Variants in RBFOX1 observed in about 807,000 individuals in gnomAD.
RBFOX1 encodes RNA binding protein fox-1 homolog 1.
A neutral mutation model predicts 57.7 loss-of-function variants in RBFOX1; 8 were observed. The observed-to-expected ratio is 0.14, with a 90% confidence interval of 0.08 to 0.25. The LOEUF (loss-of-function observed/expected upper bound fraction) is 0.25, where lower values mean the gene tolerates loss of function less well. Ranked by LOEUF, RBFOX1 falls within the 10% of genes least tolerant of loss-of-function variation. The pLI, the probability that RBFOX1 is intolerant of heterozygous loss-of-function variation, is 1.00. For synonymous variants in RBFOX1, 326 were observed against 222.4 expected, an observed-to-expected ratio of 1.47 and a Z score of -4.15; for missense variants, 611 against 548.5, an observed-to-expected ratio of 1.11 and a Z score of -1.14.
intron 2 of RBFOX1, among the ~76,000 whole-genome samples, chr16:6,384,355 G>A (rs113281773): frequency 4.5e-4 from 68 of 152,210 alleles, no homozygotes; most frequent in African/African-American, 1.5e-3. Context: ...CAGTAAAATT[G>A]CATTTTTCCC....
chr16:5,777,682 T>A (rs2054191214), intron 3 of RBFOX1, among the ~76,000 whole-genome samples: 1 of 152,166 alleles, frequency 6.6e-6, no homozygotes, highest in African/African-American at 2.4e-5. Flanking sequence ...TGAGACTTAA[T>A]TAAGGTAGTG....
chr16:7,096,759 C>A (rs147782378), intron 4 of RBFOX1, among the ~76,000 whole-genome samples: 3 of 151,862 alleles, frequency 2.0e-5, no homozygotes, highest in African/African-American at 7.3e-5. Flanking sequence ...TGGTGAAAAT[C>A]TATCTCTAGT....
rs527438241 is a variant in RBFOX1, at chr16:6,974,727, T to G, written c.-15-77330T>G. The stretch of plus-strand genomic sequence containing the variant: ...TATTAAATGTCCCTTTCCATATTTT[T>G]CTTATCTCTTAACTGAAACTCACCA... On this transcript the variant is annotated intron_variant, in intron 3 of 15. Transcript: ENST00000550418. 5.9e-5 allele frequency among the ~76,000 whole-genome samples: 9 copies of G among 152,206 alleles called. No homozygotes were observed. The East Asian group carries it at 1.7e-3, about 29-fold the overall frequency.
chr16:7,335,641 G>T (rs902689751), intron 4 of RBFOX1, among the ~76,000 whole-genome samples: 2 of 147,426 alleles, frequency 1.4e-5, no homozygotes, highest in South Asian at 2.2e-4. Context: ...TGGTGTGCCA[G>T]ACTTTAAGAC....
intron 3 of RBFOX1, among the ~76,000 whole-genome samples, chr16:6,709,819 G>T (rs146458378): frequency 6.6e-6 from 1 of 152,138 alleles, no homozygotes; most frequent in Non-Finnish European, 1.5e-5. Context: ...AGAGCTTTCA[G>T]GCCAGATCAG....
In RBFOX1 at chr16:6,459,521, A is replaced by T. The variant is rs556508490; in HGVS notation, c.-64+142464A>T. ...AAGAAAGAAAATCGCTTTAGAGCTG[A>T]TCAGTCACTGACCTCTATATCTCAT... On this transcript the variant is annotated intron_variant, in intron 2 of 15. Coordinates refer to ENST00000550418, the MANE Select transcript of RBFOX1 (RefSeq NM_018723.4). 2.5e-4 allele frequency among the ~76,000 whole-genome samples: 38 copies of T among 152,330 alleles called. No individual in the cohort carries two copies. The South Asian group carries it at 7.7e-3, about 31-fold the overall frequency.
intron 4 of RBFOX1, among the ~76,000 whole-genome samples, chr16:7,194,749 C>G (rs1186961747): frequency 6.7e-6 from 1 of 148,830 alleles, no homozygotes; most frequent in Non-Finnish European, 1.5e-5. Context: ...GGAATATAGT[C>G]AAACCTCATC....
intron 3 of RBFOX1, among the ~76,000 whole-genome samples, chr16:7,045,355 C>T (rs1023458189): frequency 3.3e-5 from 5 of 152,110 alleles, no homozygotes; most frequent in Non-Finnish European, 7.4e-5. Flanking sequence ...AAAATAAACA[C>T]AACAAAAACA....
intron 1 of RBFOX1, among the ~76,000 whole-genome samples, chr16:6,140,585 A>G (rs34044447): frequency 0.12 from 18,256 of 152,060 alleles, 1,991 homozygotes; most frequent in African/African-American, 0.29. Context: ...CACCTGGGCA[A>G]TGAGAGGAGC....
chr16:5,862,444 A>T (rs762830973), intron 3 of RBFOX1, among the ~76,000 whole-genome samples: 1 of 152,168 alleles, frequency 6.6e-6, no homozygotes, highest in African/African-American at 2.4e-5. Context: ...TGGCACAGCC[A>T]TCCCTACTGT....
intron 1 of RBFOX1, among the ~76,000 whole-genome samples, chr16:5,293,653 G>A (rs1443318076): frequency 6.6e-6 from 1 of 152,034 alleles, no homozygotes; most frequent in African/African-American, 2.4e-5. Context: ...CTACCTTTTG[G>A]TTATTATGTA....
chr16:6,795,717 T>G (rs2154252241), intron 3 of RBFOX1, among the ~76,000 whole-genome samples: 1 of 151,314 alleles, frequency 6.6e-6, no homozygotes, highest in East Asian at 2.0e-4. Flanking sequence ...AGTTAGCCAA[T>G]GTTGCACCAC....
chr16:5,450,480 A>G (rs1295012640), intron 1 of RBFOX1, among the ~76,000 whole-genome samples: 2 of 152,166 alleles, frequency 1.3e-5, no homozygotes, highest in Admixed American at 1.3e-4. Context: ...CTGCGGTACA[A>G]CCAGGGGAGC....
chr16:6,228,936 A>C (rs2152898422), intron 1 of RBFOX1, among the ~76,000 whole-genome samples: 1 of 152,336 alleles, frequency 6.6e-6, no homozygotes, highest in Middle Eastern at 3.4e-3. Flanking sequence ...AATTAAAAAT[A>C]ATTAGAAACA....
chr16:5,333,103 G>T (rs1341707960), intron 1 of RBFOX1, among the ~76,000 whole-genome samples: 2 of 152,120 alleles, frequency 1.3e-5, no homozygotes, highest in East Asian at 1.9e-4. Flanking sequence ...CAGGAGAATC[G>T]CTTGAACCCA....
chr16:7,172,169 A>G (rs1256961459), intron 4 of RBFOX1, among the ~76,000 whole-genome samples: 1 of 152,184 alleles, frequency 6.6e-6, no homozygotes, highest in African/African-American at 2.4e-5. Context: ...GCATCCTGGA[A>G]TTAAAGTGCA....
intron 1 of RBFOX1, among the ~76,000 whole-genome samples, chr16:6,120,287 A>T (rs2096539318): frequency 6.6e-6 from 1 of 152,244 alleles, no homozygotes; most frequent in Non-Finnish European, 1.5e-5. Flanking sequence ...TTTTGGGCAC[A>T]TACCTAGGAG....
intron 4 of RBFOX1, among the ~76,000 whole-genome samples, chr16:7,468,549 C>A (rs745423961): frequency 4.5e-4 from 67 of 149,448 alleles, no homozygotes; most frequent in South Asian, 1.3e-3. Flanking sequence ...AACACTGATA[C>A]ACATGGAACT....
At position 5,307,572 on chromosome 16, in the gene RBFOX1, A is replaced by G. The variant is rs568553020; in HGVS notation, c.219+67467A>G. Reference sequence around the variant, plus strand: ...GAGGTGCTTTATTCCAGACATTTTGATGCAGTCACCAACACATACCTGATC... The same window carrying G: ...GAGGTGCTTTATTCCAGACATTTTGGTGCAGTCACCAACACATACCTGATC... On this transcript the variant is annotated intron_variant, in intron 1 of 2. Transcript: ENST00000585867. Among the ~76,000 whole-genome samples the G allele has an allele frequency of 1.3e-5, 2 of 152,280 alleles. 1 individual carries two copies. The highest frequency in any genetic ancestry group is 4.1e-4 in the South Asian group (2 of 4,820).
Sources: allele counts gnomAD v4.1 joint callset (sites outside exome capture counted in the v4.1 genomes callset), GRCh38; gene constraint gnomAD v4.1.1; transcripts MANE v1.5; gene names NCBI Gene and HGNC (gene_info 2026-07-23, HGNC 2026-07-21).